The following ARHGAP18 variants were observed in gnomAD, a reference collection of about 807,000 sequenced individuals.
ARHGAP18 encodes the protein rho GTPase-activating protein 18.
In ARHGAP18, 67 loss-of-function variants were observed where a neutral mutation model predicts 86.2. The observed-to-expected ratio is 0.78, with a 90% CI of 0.64 to 0.95. The LOEUF (loss-of-function observed/expected upper bound fraction) is 0.95. ARHGAP18 is among the 40% of genes least tolerant of loss of function. The pLI, the probability that ARHGAP18 is intolerant of heterozygous loss-of-function variation, is 0.00. For missense variants in ARHGAP18, 691 were observed against 780.4 expected (o/e 0.89, Z 1.37); for synonymous variants, 283 against 280.4 (o/e 1.01, Z -0.09).
At chr6:129,639,393 A>G (rs1180162840) in intron 2 of ARHGAP18, among the ~76,000 whole-genome samples, 1 of 152,206 alleles carries the variant, frequency 6.6e-6, no homozygotes, top group African/African-American at 2.4e-5. Flanking sequence ...AAAAGCGATG[A>G]ATTGGGACAC....
intron 1 of ARHGAP18, among the ~76,000 whole-genome samples, chr6:129,689,387 G>A (rs1238593327): frequency 2.6e-5 from 4 of 152,160 alleles, no homozygotes; most frequent in South Asian, 2.1e-4. Context: ...TCTGCCTCCC[G>A]GGTCAAGCAA....
At position 129,641,922 on chromosome 6, in the gene ARHGAP18, C is replaced by T. The variant is rs772789486; in HGVS notation, c.210G>A (p.Leu70=). ...PFDRSISQDS[L]DELSMEDYWI... The stretch of plus-strand genomic sequence containing the variant: ...AATAGTCTTCCATAGATAGTTCATC[C>T]AAAGAATCCTGGGAAATTGATCGAT... The change falls in exon 2 of 15, where the codon TTG becomes TTA. Residue 70 remains leucine (L), a synonymous_variant. Transcript: ENST00000368149. 33 of 1,613,768 alleles carry T rather than the reference C, an allele frequency of 2.0e-5. No homozygotes were observed. Among genetic ancestry groups the T allele is most frequent in the Non-Finnish European group, 2.7e-5 (32 of 1,179,916 alleles).
At chr6:129,666,385 G>C (rs1413084656) in intron 1 of ARHGAP18, among the ~76,000 whole-genome samples, 9 of 152,204 alleles carry the variant, frequency 5.9e-5, no homozygotes, top group Non-Finnish European at 1.2e-4. Context: ...CCATATAATG[G>C]GGATTGGCTT....
At position 129,686,129 on chromosome 6, in the gene ARHGAP18, G is replaced by A. The variant is rs568931492; in HGVS notation, c.113+23895C>T. Among the ~76,000 whole-genome samples, 561 of 152,266 alleles carry A rather than the reference G, an allele frequency of 3.7e-3. 6 individuals are homozygous for A. Among genetic ancestry groups the A allele is most frequent in the Non-Finnish European group, 4.6e-3 (312 of 68,022 alleles). ...TCCCGTGATGCAGCACAGCTTCTCG[G>A]AACCCAACTCTTACTATTTCCTCGG... On this transcript the variant is annotated intron_variant, in intron 1 of 14. Coordinates refer to ENST00000368149, the MANE Select transcript of ARHGAP18 (RefSeq NM_033515.3).
rs147226178 is a variant in ARHGAP18, at chr6:129,647,992, A to G, written c.114-5974T>C. ...TACTTTGTTTTCCCCAGATGCATCA[A>G]TCTTTCTGAGTTTGTATTGCGTATA... On this transcript the variant is annotated intron_variant, in intron 1 of 14. Transcript: ENST00000368149. Among the ~76,000 whole-genome samples the G allele has an allele frequency of 3.7e-3, 566 of 152,292 alleles. 3 individuals are homozygous for G. Among genetic ancestry groups the G allele is most frequent in the African/African-American group, 0.013 (533 of 41,542 alleles).
In ARHGAP18 at chr6:129,670,289, G is replaced by T. The variant is rs182922491; in HGVS notation, c.114-28271C>A. Among the ~76,000 whole-genome samples, 103 of 152,278 alleles carry T rather than the reference G, an allele frequency of 6.8e-4. 2 individuals are homozygous for T. The highest frequency in any genetic ancestry group is 2.4e-3 in the African/African-American group (100 of 41,556). On this transcript the variant is annotated intron_variant, in intron 1 of 14. Transcript: ENST00000368149. The stretch of plus-strand genomic sequence containing the variant: ...AGAGAGCTTACATTATCACTTCATG[G>T]ATATCTCATTATTTTGACATTCCCA...
chr6:129,592,919 G>A (rs1322623750), intron 12 of ARHGAP18, among the ~76,000 whole-genome samples: 1 of 152,118 alleles, frequency 6.6e-6, no homozygotes, highest in Admixed American at 6.5e-5. Context: ...AGAAAAATGT[G>A]TTCGATTGTT....
rs577070164 is a variant in ARHGAP18 at position 129,608,064 on chromosome 6, G to GAAAA, written c.1123-16_1123-13dup. 32,098 of 975,696 alleles carry GAAAA rather than the reference G, an allele frequency of 0.033. 343 individuals are homozygous for GAAAA. Among genetic ancestry groups the GAAAA allele is most frequent in the Admixed American group, 0.037 (556 of 14,990 alleles). 60.4% of individuals were successfully genotyped at this position (975,696 alleles called of 1,614,324 possible). On this transcript the variant is annotated splice_polypyrimidine_tract_variant and intron_variant, in intron 8 of 14. Transcript: ENST00000368149. The stretch of plus-strand genomic sequence containing the variant: ...TCTTGGCAAAGATTCTGATAGGCAC[G>GAAAA]AAAAAAAAAAAAAAAAAAAAAAGAA...
At chr6:129,599,387 G>GA (rs1472831133) in intron 11 of ARHGAP18, 31 bp from the exon 12 acceptor site, 6 of 1,402,298 alleles carry the variant, frequency 4.3e-6, no homozygotes, top group Non-Finnish European at 5.6e-6. Context: ...GCTTAGAGAG[G>GA]AAAAAGAAAT....
At chr6:129,618,623 A>G (rs577281595) in intron 6 of ARHGAP18, 64 bp downstream of exon 6, 69 of 1,476,396 alleles carry the variant, frequency 4.7e-5, no homozygotes, top group Admixed American at 2.7e-4. Flanking sequence ...AAATACTGCA[A>G]AAAAGCCAAG....
chr6:129,591,265 CA>C (rs1215658298), intron 12 of ARHGAP18, among the ~76,000 whole-genome samples: 1 of 152,144 alleles, frequency 6.6e-6, no homozygotes, highest in Non-Finnish European at 1.5e-5. Context: ...AATCTGTACA[CA>C]GTATGATCTT....
chr6:129,705,636 T>C (rs771927368), intron 1 of ARHGAP18, among the ~76,000 whole-genome samples: 5 of 152,218 alleles, frequency 3.3e-5, no homozygotes, highest in Non-Finnish European at 5.9e-5. Flanking sequence ...CAAAATAATA[T>C]TCAGAAAAAC....
At chr6:129,665,269 G>C (rs1774015588) in intron 1 of ARHGAP18, among the ~76,000 whole-genome samples, 1 of 152,242 alleles carries the variant, frequency 6.6e-6, no homozygotes, top group African/African-American at 2.4e-5. Context: ...AAAAAGGCTG[G>C]TGCAGTGGCT....
rs1385245278 is a variant in ARHGAP18, at chr6:129,675,985, C to T, written c.114-33967G>A. On this transcript the variant is annotated intron_variant, in intron 1 of 14. Transcript: ENST00000368149. The stretch of plus-strand genomic sequence containing the variant: ...CACTGGGTCATTTTAAATGGCAGCT[C>T]TTATTTCTGCTCAATGTTTAAAACA... Among the ~76,000 whole-genome samples the T allele has an allele frequency of 2.0e-5, 3 of 152,306 alleles. No homozygotes were observed. The East Asian group carries it at 5.8e-4, about 29-fold the overall frequency.
chr6:129,642,142 G>A, intron 1 of ARHGAP18, 124 bp from the exon 2 acceptor site: 1 of 808,358 alleles, frequency 1.2e-6, no homozygotes, highest in Non-Finnish European at 2.0e-6. Context: ...TAAAACTAAA[G>A]GAATATATAT....
chr6:129,610,920 G>T (rs996824079), intron 8 of ARHGAP18, among the ~76,000 whole-genome samples: 1 of 151,662 alleles, frequency 6.6e-6, no homozygotes, highest in Non-Finnish European at 1.5e-5. Flanking sequence ...AAGAAACAGG[G>T]TCTTATTGCT....
At chr6:129,637,612 A>G (rs1405358388) in intron 3 of ARHGAP18, among the ~76,000 whole-genome samples, 1 of 152,154 alleles carries the variant, frequency 6.6e-6, no homozygotes, top group Non-Finnish European at 1.5e-5. Context: ...ACTGTAACCT[A>G]CTTGTGTCAA....
In ARHGAP18 at chr6:129,583,165, G is replaced by A. The variant is rs73776311; in HGVS notation, c.1838+823C>T. On this transcript the variant is annotated intron_variant, in intron 13 of 14. Coordinates refer to ENST00000368149, the MANE Select transcript of ARHGAP18 (RefSeq NM_033515.3). ...AATGAAAGACCAAGACAGAGTATTC[G>A]TAAACTGAGATGCCAATGCCCTGGA... is the stretch of plus-strand genomic sequence containing the variant. Among the ~76,000 whole-genome samples the A allele has an allele frequency of 9.4e-3, 1,424 of 152,246 alleles. 19 individuals are homozygous for A. The highest frequency in any genetic ancestry group is 0.033 in the African/African-American group (1,382 of 41,524).
intron 1 of ARHGAP18, among the ~76,000 whole-genome samples, chr6:129,678,172 C>G (rs964330848): frequency 8.5e-5 from 13 of 152,152 alleles, no homozygotes; most frequent in African/African-American, 1.7e-4. Flanking sequence ...CACACCATGC[C>G]CCATTGAACC....
Sources: allele counts gnomAD v4.1 joint callset (sites outside exome capture counted in the v4.1 genomes callset), GRCh38; gene constraint gnomAD v4.1.1; transcripts MANE v1.5; gene names NCBI Gene and HGNC (gene_info 2026-07-23, HGNC 2026-07-21).